Variants in SLC2A13 observed in about 807,000 individuals in gnomAD.
SLC2A13 encodes the protein solute carrier family 2 member 13.
In SLC2A13, 32 loss-of-function variants were observed where a neutral mutation model predicts 64.4. The ratio of observed to expected loss-of-function variants is 0.50; its 90% confidence interval spans 0.37 to 0.67. SLC2A13 has a LOEUF of 0.67. SLC2A13 is among the 30% of genes least tolerant of loss of function. The probability of loss-of-function intolerance (pLI) is 0.00; values close to 1 mark genes in which losing one functional copy is unlikely to be tolerated. For missense variants in SLC2A13, 743 were observed against 829.2 expected (o/e 0.90, Z 1.28); for synonymous variants, 338 against 327.1 (o/e 1.03, Z -0.36).
intron 4 of SLC2A13, among the ~76,000 whole-genome samples, chr12:39,888,153 C>T (rs763714172): frequency 6.6e-6 from 1 of 152,192 alleles, no homozygotes; most frequent in Non-Finnish European, 1.5e-5. Context: ...CAAATGCCCA[C>T]ATTCTGCTGC....
chr12:40,021,050 T>A (rs748827042), intron 3 of SLC2A13, among the ~76,000 whole-genome samples: 5 of 152,196 alleles, frequency 3.3e-5, no homozygotes, highest in Non-Finnish European at 2.9e-5. Flanking sequence ...TCTTCTTTTA[T>A]GAGATATGGA....
At chr12:39,787,620 A>G (rs1321102843) in intron 7 of SLC2A13, among the ~76,000 whole-genome samples, 1 of 152,124 alleles carries the variant, frequency 6.6e-6, no homozygotes, top group Non-Finnish European at 1.5e-5. Context: ...TCTTCATGCA[A>G]TCATGAATAA....
At chr12:40,002,541 T>C (rs1947336900) in intron 3 of SLC2A13, among the ~76,000 whole-genome samples, 1 of 152,148 alleles carries the variant, frequency 6.6e-6, no homozygotes, top group African/African-American at 2.4e-5. Flanking sequence ...ATGAATGAGG[T>C]CATGGAATTT....
chr12:39,930,691 A>G (rs1043172800), intron 4 of SLC2A13, among the ~76,000 whole-genome samples: 6 of 152,218 alleles, frequency 3.9e-5, no homozygotes, highest in African/African-American at 1.4e-4. Context: ...TAGTATCTTG[A>G]CTTTTGTGTA....
chr12:39,924,361 C>T (rs1592287362), intron 4 of SLC2A13, among the ~76,000 whole-genome samples: 1 of 152,016 alleles, frequency 6.6e-6, no homozygotes, highest in Non-Finnish European at 1.5e-5. Flanking sequence ...TTTTCTGACA[C>T]AACATAGATA....
At chr12:40,022,628 G>A (rs1284465577) in intron 3 of SLC2A13, among the ~76,000 whole-genome samples, 2 of 152,196 alleles carry the variant, frequency 1.3e-5, no homozygotes. Flanking sequence ...CTTGAGGTCA[G>A]GAGTTCAAGG....
chr12:39,763,405 A>T (rs566575393), intron 9 of SLC2A13, among the ~76,000 whole-genome samples: 1 of 152,222 alleles, frequency 6.6e-6, no homozygotes, highest in East Asian at 1.9e-4. Context: ...CATATTCACC[A>T]TTCATCTGCA....
At chr12:39,851,851 G>A (rs940488012) in intron 6 of SLC2A13, among the ~76,000 whole-genome samples, 1 of 152,108 alleles carries the variant, frequency 6.6e-6, no homozygotes, top group South Asian at 2.1e-4. Context: ...CCTGTGTCAA[G>A]AATTTTTAAA....
chr12:39,864,972 G>T, intron 5 of SLC2A13, 90 bp from the exon 6 acceptor site: 1 of 1,239,386 alleles, frequency 8.1e-7, no homozygotes, highest in Non-Finnish European at 1.1e-6. Flanking sequence ...AAAAAACAAA[G>T]AAACAAACAA....
At chr12:39,875,103 G>A (rs1203682021) in intron 4 of SLC2A13, among the ~76,000 whole-genome samples, 1 of 152,188 alleles carries the variant, frequency 6.6e-6, no homozygotes, top group Non-Finnish European at 1.5e-5. Context: ...ATTACCACAA[G>A]GTTAGTGACT....
At chr12:39,971,475 A>C (rs1460854688) in intron 3 of SLC2A13, among the ~76,000 whole-genome samples, 2 of 152,234 alleles carry the variant, frequency 1.3e-5, no homozygotes, top group Non-Finnish European at 2.9e-5. Flanking sequence ...AGAGTTTATT[A>C]ACCATAACCT....
At chr12:39,978,413 G>C (rs976769579) in intron 3 of SLC2A13, among the ~76,000 whole-genome samples, 3 of 152,212 alleles carry the variant, frequency 2.0e-5, no homozygotes. Flanking sequence ...CTGAGGTACC[G>C]AGTTCATCAC....
At chr12:39,901,784 C>G (rs1565532735) in intron 4 of SLC2A13, among the ~76,000 whole-genome samples, 1 of 137,026 alleles carries the variant, frequency 7.3e-6, no homozygotes, top group Non-Finnish European at 1.6e-5. Context: ...GTCAGTGTGG[C>G]GATTCCTCAG....
intron 1 of SLC2A13, among the ~76,000 whole-genome samples, chr12:40,094,311 A>G (rs1236633541): frequency 1.3e-5 from 2 of 152,146 alleles, no homozygotes; most frequent in African/African-American, 4.8e-5. Context: ...TGCAACACAG[A>G]AGGTATTCCA....
chr12:39,988,677 AGAAGGGAG>A (rs1947075077), intron 3 of SLC2A13, among the ~76,000 whole-genome samples: 1 of 76,576 alleles, frequency 1.3e-5, no homozygotes, highest in African/African-American at 4.9e-5. Flanking sequence ...GAGGGAGGGA[AGAAGGGAG>A]GGAGGGAGGA....
intron 2 of SLC2A13, among the ~76,000 whole-genome samples, chr12:40,046,681 C>T (rs11174928): frequency 6.6e-6 from 1 of 151,406 alleles, no homozygotes; most frequent in African/African-American, 2.4e-5. Flanking sequence ...AGTTTAGCAA[C>T]ATCTGCAGAC....
At chr12:39,805,939 G>C (rs1317877264) in intron 7 of SLC2A13, among the ~76,000 whole-genome samples, 1 of 152,172 alleles carries the variant, frequency 6.6e-6, no homozygotes, top group African/African-American at 2.4e-5. Context: ...AACAGCAAGA[G>C]ACAATTAATG....
chr12:39,981,445 A>G (rs1300120401), intron 3 of SLC2A13, among the ~76,000 whole-genome samples: 2 of 151,766 alleles, frequency 1.3e-5, no homozygotes, highest in East Asian at 1.9e-4. Flanking sequence ...TAATAAAGAA[A>G]AAAAGAGAGA....
chr12:40,057,464 CAT>C (rs1948349474), intron 1 of SLC2A13, among the ~76,000 whole-genome samples: 1 of 152,066 alleles, frequency 6.6e-6, no homozygotes, highest in Non-Finnish European at 1.5e-5. Context: ...TATGAAATGA[CAT>C]AGAGCAACAA....
Sources: gnomAD v4.1 joint callset for allele counts (sites outside exome capture counted in the v4.1 genomes callset) on GRCh38, gnomAD v4.1.1 for gene constraint, MANE v1.5 for transcripts, NCBI Gene and HGNC (gene_info 2026-07-23, HGNC 2026-07-21) for gene names.